DMXL1: variants seen among roughly 807,000 people sequenced by gnomAD.
The protein encoded by DMXL1 is dmX-like protein 1.
In DMXL1, 99 loss-of-function variants were observed where a neutral mutation model predicts 319.2. The ratio of observed to expected loss-of-function variants is 0.31; its 90% CI spans 0.26 to 0.37. DMXL1 has a LOEUF of 0.37. DMXL1 is among the 10% of genes least tolerant of loss of function. The pLI is 1.00. For missense variants in DMXL1, 3,745 were observed against 3,595.6 expected (o/e 1.04, Z -1.06); for synonymous variants, 1,385 against 1,235.2 (o/e 1.12, Z -2.54).
At chr5:119,075,138 G>GC (rs1188098914) in intron 1 of DMXL1, among the ~76,000 whole-genome samples, 1 of 151,770 alleles carries the variant, frequency 6.6e-6, no homozygotes, top group Non-Finnish European at 1.5e-5. Flanking sequence ...AATGGATAGA[G>GC]AAACCTTATA....
At chr5:119,227,543 T>C (rs779662732) in intron 38 of DMXL1, among the ~76,000 whole-genome samples, 1 of 152,124 alleles carries the variant, frequency 6.6e-6, no homozygotes, top group Non-Finnish European at 1.5e-5. Flanking sequence ...CAGGAAGTGA[T>C]AGTCTTTACT....
chr5:119,185,781 G>A (rs1348504842), intron 28 of DMXL1, among the ~76,000 whole-genome samples: 1 of 151,918 alleles, frequency 6.6e-6, no homozygotes, highest in African/African-American at 2.4e-5. Context: ...GGGATTACAG[G>A]CATGATCCAC....
At chr5:119,138,405 T>C (rs75804814) in intron 13 of DMXL1, among the ~76,000 whole-genome samples, 4,230 of 152,276 alleles carry the variant, frequency 0.028, 185 homozygotes, top group African/African-American at 0.096. Flanking sequence ...AGATGCCTGT[T>C]TGACATCCAA....
chr5:119,158,304 A>G (rs940072239), intron 19 of DMXL1, among the ~76,000 whole-genome samples: 4 of 151,534 alleles, frequency 2.6e-5, no homozygotes, highest in African/African-American at 9.7e-5. Flanking sequence ...TGGAAATGCC[A>G]CTGCTTTTTG....
intron 1 of DMXL1, among the ~76,000 whole-genome samples, chr5:119,081,392 A>G (rs1026916500): frequency 2.8e-4 from 43 of 152,182 alleles, no homozygotes; most frequent in South Asian, 6.2e-4. Context: ...TTGATGCCAT[A>G]TGTGTGCGAG....
chr5:119,173,386 G>T (rs1775000822), intron 25 of DMXL1, among the ~76,000 whole-genome samples: 1 of 150,630 alleles, frequency 6.6e-6, no homozygotes, highest in Non-Finnish European at 1.5e-5. Flanking sequence ...AAACATTAGT[G>T]GCTTAAAAAG....
At chr5:119,191,935 A>G (rs1188448436) in intron 29 of DMXL1, among the ~76,000 whole-genome samples, 1 of 152,208 alleles carries the variant, frequency 6.6e-6, no homozygotes, top group Non-Finnish European at 1.5e-5. Context: ...TGCATGGGTC[A>G]ACCATTGTTT....
At chr5:119,205,184 C>G (rs905206189) in intron 33 of DMXL1, among the ~76,000 whole-genome samples, 1 of 151,912 alleles carries the variant, frequency 6.6e-6, no homozygotes, top group Non-Finnish European at 1.5e-5. Context: ...TTTGATTAAT[C>G]TTAGAAAAAT....
In DMXL1 at chr5:119,197,969, A is replaced by T. The variant is rs1341439661; in HGVS notation, c.7745+13A>T. ...ACACTCCTTTCAAGTAGGTTTTCTT[A>T]TGAATGCTATTTGGGTTTTTTTGTT... On this transcript the variant is annotated intron_variant, in intron 32 of 43. Coordinates refer to ENST00000539542, the MANE Select transcript of DMXL1 (RefSeq NM_001290321.3). The T allele has an allele frequency of 6.2e-7, 1 of 1,613,276 alleles. No homozygotes were observed. Among genetic ancestry groups the T allele is most frequent in the Non-Finnish European group, 8.5e-7 (1 of 1,179,478 alleles).
At chr5:119,081,845 G>C in intron 1 of DMXL1, 2 of 470,864 alleles carry the variant, frequency 4.2e-6, no homozygotes, top group Non-Finnish European at 5.6e-6. Flanking sequence ...AATAAAAATT[G>C]AGTTTTTACT....
intron 19 of DMXL1, among the ~76,000 whole-genome samples, chr5:119,154,992 G>A (rs1421421417): frequency 1.3e-5 from 2 of 152,208 alleles, no homozygotes; most frequent in Non-Finnish European, 2.9e-5. Flanking sequence ...AAGCCCAATG[G>A]CAGCACCTCT....
chr5:119,223,444 G>C (rs553336052), intron 37 of DMXL1, among the ~76,000 whole-genome samples: 3 of 152,142 alleles, frequency 2.0e-5, no homozygotes, highest in Non-Finnish European at 4.4e-5. Flanking sequence ...TTTCTAACTA[G>C]AATGGTATTG....
chr5:119,223,982 A>G (rs1056415998), intron 37 of DMXL1, among the ~76,000 whole-genome samples: 1 of 152,148 alleles, frequency 6.6e-6, no homozygotes, highest in African/African-American at 2.4e-5. Context: ...TATCATTATG[A>G]CCAGCTTCTG....
intron 34 of DMXL1, among the ~76,000 whole-genome samples, chr5:119,210,038 G>C (rs1782466484): frequency 6.6e-6 from 1 of 151,878 alleles, no homozygotes; most frequent in Non-Finnish European, 1.5e-5. Flanking sequence ...GTATGATCTT[G>C]GCTCACTGCA....
intron 10 of DMXL1, among the ~76,000 whole-genome samples, chr5:119,130,556 T>G (rs1157704285): frequency 1.3e-5 from 2 of 152,310 alleles, no homozygotes; most frequent in East Asian, 3.9e-4. Context: ...TTAGTCAGAC[T>G]GGTCTCGAAC....
intron 22 of DMXL1, 135 bp downstream of exon 22, chr5:119,166,916 A>G (rs1773549643): frequency 1.5e-6 from 1 of 666,370 alleles, no homozygotes; most frequent in Non-Finnish European, 2.4e-6. Flanking sequence ...AACTGTTAAT[A>G]TTTAATAAAG....
At chr5:119,187,946 G>T (rs1398002460) in intron 28 of DMXL1, among the ~76,000 whole-genome samples, 1 of 152,116 alleles carries the variant, frequency 6.6e-6, no homozygotes, top group Non-Finnish European at 1.5e-5. Flanking sequence ...GTAAGCCACC[G>T]CACCCAGCCA....
chr5:119,196,078 T>C (rs2150404664), intron 30 of DMXL1, among the ~76,000 whole-genome samples: 1 of 152,302 alleles, frequency 6.6e-6, no homozygotes, highest in South Asian at 2.1e-4. Context: ...ACTGACTCCA[T>C]ATTAACACTT....
chr5:119,129,540 AC>A (rs1236972585), intron 10 of DMXL1, 117 bp downstream of exon 10: 7 of 682,422 alleles, frequency 1.0e-5, no homozygotes, highest in Non-Finnish European at 1.7e-5. Context: ...CATGATCCAA[AC>A]ATGGACTAGC....
Sources: allele counts gnomAD v4.1 joint callset (sites outside exome capture counted in the v4.1 genomes callset), GRCh38; gene constraint gnomAD v4.1.1; transcripts MANE v1.5; gene names NCBI Gene and HGNC (gene_info 2026-07-23, HGNC 2026-07-21).